Variants in ZNF804B observed in about 807,000 individuals in gnomAD.
The protein encoded by ZNF804B is zinc finger protein 804B, also known as zinc finger 804B.
In ZNF804B, 80 loss-of-function variants were observed where a neutral mutation model predicts 101.4. The observed-to-expected ratio is 0.79, with a 90% CI of 0.66 to 0.95. The LOEUF is 0.95. Among genes scored for constraint, ZNF804B ranks in the 40% least tolerant of loss-of-function variants. The pLI, the probability that ZNF804B is intolerant of heterozygous loss-of-function variation, is 0.00. For synonymous variants in ZNF804B, 622 were observed against 558.8 expected, an observed-to-expected ratio of 1.11 and a Z score of -1.59; for missense variants, 1,673 against 1,561.9, an observed-to-expected ratio of 1.07 and a Z score of -1.20.
intron 1 of ZNF804B, among the ~76,000 whole-genome samples, chr7:88,850,983 A>G (rs1791444055): frequency 6.6e-6 from 1 of 152,154 alleles, no homozygotes; most frequent in Non-Finnish European, 1.5e-5. Flanking sequence ...CCAAAGATAA[A>G]AAGTTTCAGT....
intron 2 of ZNF804B, among the ~76,000 whole-genome samples, chr7:89,278,359 A>T (rs1005271319): frequency 2.0e-5 from 3 of 150,904 alleles, no homozygotes; most frequent in Non-Finnish European, 4.4e-5. Context: ...GTTTAATTAG[A>T]TCCCATTTGT....
At chr7:88,877,049 A>ATAT (rs1791962731) in intron 1 of ZNF804B, among the ~76,000 whole-genome samples, 2 of 13,916 alleles carry the variant, frequency 1.4e-4, no homozygotes, top group Non-Finnish European at 2.1e-4. Context: ...ATATATATAT[A>ATAT]TTTTTTTTTT....
chr7:88,903,492 A>T (rs1367400654), intron 1 of ZNF804B, among the ~76,000 whole-genome samples: 1 of 152,142 alleles, frequency 6.6e-6, no homozygotes. Flanking sequence ...GCTGTGTTGA[A>T]TCGTAGTTCT....
intron 1 of ZNF804B, among the ~76,000 whole-genome samples, chr7:89,125,546 A>G (rs1790465484): frequency 6.6e-6 from 1 of 152,066 alleles, no homozygotes; most frequent in Non-Finnish European, 1.5e-5. Flanking sequence ...CATTCCATTA[A>G]AAAAGAAAGA....
At position 88,807,279 on chromosome 7, in the gene ZNF804B, A is replaced by AT. The variant is rs746342577; in HGVS notation, c.108+47202dup. The stretch of plus-strand genomic sequence containing the variant: ...TAATTTTACTATTTAATAGTTAAGC[A>AT]TTTTTTTAATAATAAGATATAAAGG... On this transcript the variant is annotated intron_variant, in intron 1 of 3. Coordinates refer to ENST00000333190, the MANE Select transcript of ZNF804B (RefSeq NM_181646.5). Among the ~76,000 whole-genome samples, 123 of 152,124 alleles carry AT rather than the reference A, an allele frequency of 8.1e-4. 1 individual carries two copies. The highest frequency in any genetic ancestry group is 1.1e-3 in the Non-Finnish European group (78 of 68,022).
intron 2 of ZNF804B, among the ~76,000 whole-genome samples, chr7:89,305,900 AC>A (rs1790555252): frequency 1.3e-5 from 2 of 152,008 alleles, no homozygotes; most frequent in African/African-American, 4.8e-5. Flanking sequence ...TTATTCTGAT[AC>A]TTTGTAAAGA....
At chr7:89,173,734 A>G (rs1791274458) in intron 1 of ZNF804B, among the ~76,000 whole-genome samples, 1 of 151,730 alleles carries the variant, frequency 6.6e-6, no homozygotes, top group Admixed American at 6.6e-5. Flanking sequence ...TCCATTTATC[A>G]TCCATCCATT....
chr7:88,940,767 A>AT (rs1793042941), intron 1 of ZNF804B, among the ~76,000 whole-genome samples: 1 of 117,462 alleles, frequency 8.5e-6, no homozygotes, highest in Non-Finnish European at 1.6e-5. Context: ...GACCCTATTT[A>AT]AAATAATAAT....
intron 1 of ZNF804B, among the ~76,000 whole-genome samples, chr7:88,809,038 T>C (rs900794504): frequency 6.6e-6 from 1 of 152,216 alleles, no homozygotes; most frequent in Admixed American, 6.5e-5. Context: ...CTGGAGGATT[T>C]GTAATTTATA....
Position 88,803,046 on chromosome 7 carries a change from CA to C in ZNF804B, c.108+42963del, listed in dbSNP as rs1005297635. Among the ~76,000 whole-genome samples, 323 of 151,944 alleles carry C rather than the reference CA, an allele frequency of 2.1e-3. 1 individual carries two copies. Among genetic ancestry groups the C allele is most frequent in the African/African-American group, 7.6e-3 (313 of 41,422 alleles). On this transcript the variant is annotated intron_variant, in intron 1 of 3. Coordinates refer to ENST00000333190, the MANE Select transcript of ZNF804B (RefSeq NM_181646.5). ...TCCCAACCTTATTTTTAAAAAGTCACAGAAACAAGAATAGAGAGAAATCTAG... is the reference window on the plus strand; with the variant it reads ...TCCCAACCTTATTTTTAAAAAGTCACGAAACAAGAATAGAGAGAAATCTAG...
intron 1 of ZNF804B, among the ~76,000 whole-genome samples, chr7:88,984,067 C>A (rs1793727427): frequency 6.6e-6 from 1 of 152,072 alleles, no homozygotes; most frequent in African/African-American, 2.4e-5. Flanking sequence ...ACTTACCTAA[C>A]TTTCTCTAAC....
intron 1 of ZNF804B, among the ~76,000 whole-genome samples, chr7:89,154,180 G>A (rs1393535006): frequency 1.3e-5 from 2 of 152,108 alleles, no homozygotes; most frequent in Non-Finnish European, 2.9e-5. Context: ...AAACTACAGT[G>A]AGATATCATC....
chr7:89,076,884 G>A (rs978366840), intron 1 of ZNF804B, among the ~76,000 whole-genome samples: 3 of 152,164 alleles, frequency 2.0e-5, no homozygotes, highest in Non-Finnish European at 4.4e-5. Context: ...TACAATTAAA[G>A]CACTGCTGGG....
chr7:88,967,461 G>A (rs777851920), intron 1 of ZNF804B, among the ~76,000 whole-genome samples: 1 of 151,596 alleles, frequency 6.6e-6, no homozygotes, highest in Non-Finnish European at 1.5e-5. Context: ...TTCGATGTGA[G>A]ATTTGGGTGG....
In ZNF804B at chr7:89,232,894, C is replaced by T. The variant is rs551485599; in HGVS notation, c.249+14599C>T. Among the ~76,000 whole-genome samples, 11 of 151,966 alleles carry T rather than the reference C, an allele frequency of 7.2e-5. No homozygotes were observed. The South Asian group carries it at 2.3e-3, about 32-fold the overall frequency. On this transcript the variant is annotated intron_variant, in intron 2 of 3. Transcript: ENST00000333190. ...TCTTTTGATATGTATAATATACTTT[C>T]TCCTTATTTTGTGTGTAATTTATTT...
chr7:89,106,102 A>G (rs62461861), intron 1 of ZNF804B, among the ~76,000 whole-genome samples: 19,924 of 151,582 alleles, frequency 0.13, 1,759 homozygotes, highest in Non-Finnish European at 0.19. Context: ...ATAAAATATA[A>G]GTTCCAAATG....
chr7:88,998,168 C>A (rs546714888), intron 1 of ZNF804B, among the ~76,000 whole-genome samples: 1 of 152,100 alleles, frequency 6.6e-6, no homozygotes, highest in Non-Finnish European at 1.5e-5. Context: ...TTTAGAACTA[C>A]ATTTTCCTCT....
At chr7:89,140,094 C>G (rs369988478) in intron 1 of ZNF804B, among the ~76,000 whole-genome samples, 8 of 151,982 alleles carry the variant, frequency 5.3e-5, no homozygotes, top group African/African-American at 1.7e-4. Context: ...TTGTAGAGAT[C>G]CACCAGAGAA....
chr7:89,047,905 T>A (rs74488791), intron 1 of ZNF804B, among the ~76,000 whole-genome samples: 3 of 147,526 alleles, frequency 2.0e-5, no homozygotes, highest in Admixed American at 6.8e-5. Flanking sequence ...TTTTTTTTTT[T>A]CCCCCTTTGG....
Sources: gnomAD v4.1 joint callset for allele counts (sites outside exome capture counted in the v4.1 genomes callset) on GRCh38, gnomAD v4.1.1 for gene constraint, MANE v1.5 for transcripts, NCBI Gene and HGNC (gene_info 2026-07-23, HGNC 2026-07-21) for gene names.